INSR: variants seen among roughly 807,000 people sequenced by gnomAD.
The protein encoded by INSR is IR.
INSR carries 67 observed loss-of-function variants against 142.6 expected under a neutral mutation model. The observed-to-expected ratio is 0.47, with a 90% confidence interval of 0.39 to 0.58. The LOEUF (loss-of-function observed/expected upper bound fraction) is 0.58, where lower values mean the gene tolerates loss of function less well. Among genes scored for constraint, INSR ranks in the 20% least tolerant of loss-of-function variants. The pLI is 0.00. For missense variants in INSR, 1,248 were observed against 1,833.2 expected, an observed-to-expected ratio of 0.68 and a Z score of 5.83; for synonymous variants, 756 against 743.1, an observed-to-expected ratio of 1.02 and a Z score of -0.28.
At position 7,184,333 on chromosome 19, in the gene INSR, G is replaced by A; in HGVS notation, c.957C>T (p.Tyr319=). The A allele has an allele frequency of 1.2e-6, 2 of 1,613,790 alleles. No homozygotes were observed. Among genetic ancestry groups the A allele is most frequent in the South Asian group, 1.1e-5 (1 of 91,048 alleles). Reference sequence around the variant, plus strand: ...GAACTCACTTGCTGGAATTCATCGTGTACCCGGAGGGACACTCAGGGATGC... The same window carrying A: ...GAACTCACTTGCTGGAATTCATCGTATACCCGGAGGGACACTCAGGGATGC... ...NKCIPECPSG[Y]TMNSSNLLCT... The change falls in exon 3 of 22, where the codon TAC becomes TAT. Residue 319 remains tyrosine, a synonymous_variant. Coordinates refer to ENST00000302850, the MANE Select transcript of INSR (RefSeq NM_000208.4).
intron 2 of INSR, among the ~76,000 whole-genome samples, chr19:7,256,499 A>G (rs918691731): frequency 2.0e-4 from 30 of 152,086 alleles, no homozygotes; most frequent in African/African-American, 7.0e-4. Flanking sequence ...AGTGGCTCAC[A>G]CCTATAATAT....
At chr19:7,193,185 C>T (rs1042768283) in intron 2 of INSR, among the ~76,000 whole-genome samples, 6 of 150,870 alleles carry the variant, frequency 4.0e-5, no homozygotes, top group Non-Finnish European at 7.4e-5. Flanking sequence ...GTGGCACGAT[C>T]TCAGCTCACT....
At chr19:7,268,816 C>T (rs1410134584) in intron 1 of INSR, among the ~76,000 whole-genome samples, 4 of 152,024 alleles carry the variant, frequency 2.6e-5, no homozygotes, top group Admixed American at 6.6e-5. Flanking sequence ...TTTTGGCTGG[C>T]GAAGTGCTTT....
At chr19:7,176,409 T>C (rs1427981776) in intron 3 of INSR, among the ~76,000 whole-genome samples, 1 of 152,228 alleles carries the variant, frequency 6.6e-6, no homozygotes, top group East Asian at 1.9e-4. Context: ...GAGACCAGCC[T>C]GGCCAACATG....
Position 7,267,521 on chromosome 19 carries a change from T to A in INSR, c.476A>T (p.Asp159Val). 1.2e-6 allele frequency: 2 copies of A among 1,614,116 alleles called. No individual in the cohort carries two copies. The highest frequency in any genetic ancestry group is 1.7e-6 in the Non-Finnish European group (2 of 1,180,016). Reference sequence around the variant, plus strand: ...CACGGAATCCAGGATACGGGACCAGTCGATAGTGGCCAAGTAACAGAGCTC... The same window carrying A: ...CACGGAATCCAGGATACGGGACCAGACGATAGTGGCCAAGTAACAGAGCTC... ...NNELCYLATI[D>V]WSRILDSVED... The change falls in exon 2 of 22, where the codon GAC (aspartate) becomes GTC (valine). Residue 159 changes from aspartate (D) to valine (V), a missense_variant. Coordinates refer to ENST00000302850, the MANE Select transcript of INSR (RefSeq NM_000208.4). The surrounding 1 kb of genome is among the most constrained non-coding windows in gnomAD (Gnocchi z 6.3).
chr19:7,137,777 AGAGT>A (rs1430849805), intron 13 of INSR, among the ~76,000 whole-genome samples: 1 of 122,754 alleles, frequency 8.1e-6, no homozygotes, highest in Non-Finnish European at 1.7e-5. Flanking sequence ...ACAGGATGAC[AGAGT>A]GAGTGAGACT....
chr19:7,153,279 C>T (rs1973471397), intron 9 of INSR, among the ~76,000 whole-genome samples: 1 of 143,998 alleles, frequency 6.9e-6, no homozygotes, highest in Non-Finnish European at 1.5e-5. Flanking sequence ...ACCTCACACA[C>T]CACACCACAC....
At chr19:7,292,916 G>A (rs1968535183) in intron 1 of INSR, among the ~76,000 whole-genome samples, 2 of 152,146 alleles carry the variant, frequency 1.3e-5, no homozygotes, top group African/African-American at 4.8e-5. Flanking sequence ...GGAGACAGCA[G>A]ACAAGGGACA....
chr19:7,237,441 G>A (rs1221576964), intron 2 of INSR, among the ~76,000 whole-genome samples: 6 of 151,000 alleles, frequency 4.0e-5, no homozygotes, highest in South Asian at 2.1e-4. Flanking sequence ...CGCTTGAACC[G>A]GGGAGGTGGA....
At chr19:7,238,528 G>A (rs1024528412) in intron 2 of INSR, among the ~76,000 whole-genome samples, 1 of 148,774 alleles carries the variant, frequency 6.7e-6, no homozygotes, top group Non-Finnish European at 1.5e-5. Flanking sequence ...GGCTGAGGCA[G>A]GAGAATCACT....
chr19:7,233,774 C>T (rs1053667111), intron 2 of INSR, among the ~76,000 whole-genome samples: 38 of 145,384 alleles, frequency 2.6e-4, no homozygotes, highest in Non-Finnish European at 3.0e-4. Flanking sequence ...CCCCTGGGTT[C>T]ACGCCATTCT....
At chr19:7,196,599 G>C (rs1311406610) in intron 2 of INSR, among the ~76,000 whole-genome samples, 1 of 151,994 alleles carries the variant, frequency 6.6e-6, no homozygotes, top group African/African-American at 2.4e-5. Flanking sequence ...AAATTAGTTT[G>C]GGTTTTTCTT....
intron 2 of INSR, among the ~76,000 whole-genome samples, chr19:7,254,091 G>A (rs866269756): frequency 1.3e-5 from 2 of 151,730 alleles, no homozygotes; most frequent in East Asian, 1.9e-4. Context: ...CAAACAGGTC[G>A]GCCTGGTGGC....
rs754190685 is a variant in INSR, at chr19:7,142,920, C to T, written c.2438G>A (p.Arg813Gln). ...NKESLVISGL[R>Q]HFTGYRIELQ... ...CTCGATGCGATAGCCCGTGAAGTGTCGCAAGCCGGAGATGACCAGCGACTC... is the reference window on the plus strand; with the variant it reads ...CTCGATGCGATAGCCCGTGAAGTGTTGCAAGCCGGAGATGACCAGCGACTC... Residue 813 changes from arginine (R) to glutamine (Q), a missense_variant, in exon 12 of 22, where the codon CGA becomes CAA. By Grantham distance (43) the Arg-to-Gln change is conservative (BLOSUM62 1). Transcript: ENST00000302850. 5 of 1,613,982 alleles carry T rather than the reference C, an allele frequency of 3.1e-6. No homozygotes were observed. The highest frequency in any genetic ancestry group is 3.4e-6 in the Non-Finnish European group (4 of 1,180,036).
intron 19 of INSR, among the ~76,000 whole-genome samples, chr19:7,122,063 A>G (rs1463366498): frequency 2.0e-5 from 3 of 151,912 alleles, no homozygotes; most frequent in African/African-American, 7.3e-5. Context: ...GAATCGCTTG[A>G]ACCCAAGAGG....
chr19:7,135,133 G>C (rs1207062320), intron 13 of INSR, among the ~76,000 whole-genome samples: 1 of 138,958 alleles, frequency 7.2e-6, no homozygotes, highest in Non-Finnish European at 1.5e-5. Context: ...CATGCTTATC[G>C]TGTGACAATA....
chr19:7,261,223 C>T (rs1977053686), intron 2 of INSR, among the ~76,000 whole-genome samples: 1 of 151,984 alleles, frequency 6.6e-6, no homozygotes, highest in African/African-American at 2.4e-5. Context: ...TAACTCTCCC[C>T]CTCTTCTGAG....
chr19:7,249,528 C>G (rs1374411437), intron 2 of INSR, among the ~76,000 whole-genome samples: 2 of 152,072 alleles, frequency 1.3e-5, no homozygotes, highest in Non-Finnish European at 2.9e-5. Context: ...CTTTATCACT[C>G]AAGTATGGAT....
chr19:7,232,454 A>G (rs1424292534), intron 2 of INSR, among the ~76,000 whole-genome samples: 1 of 152,162 alleles, frequency 6.6e-6, no homozygotes, highest in East Asian at 1.9e-4. Flanking sequence ...TCAGCCTGTC[A>G]AAGTGTTGGG....
Sources: gnomAD v4.1 joint callset for allele counts (sites outside exome capture counted in the v4.1 genomes callset) on GRCh38, gnomAD v4.1.1 for gene constraint, Gnocchi (gnomAD v3.1) non-coding constraint, MANE v1.5 for transcripts, NCBI Gene and HGNC (gene_info 2026-07-23, HGNC 2026-07-21) for gene names.